The following NR3C2 variants were observed in gnomAD, a reference collection of about 807,000 sequenced individuals.
NR3C2 encodes the protein nuclear receptor subfamily 3 group C member 2.
In NR3C2, 15 loss-of-function variants were observed where a neutral mutation model predicts 86.4. That is an observed-to-expected ratio of 0.17 (90% confidence interval 0.12 to 0.27). NR3C2 has a LOEUF of 0.27. NR3C2 is among the 10% of genes least tolerant of loss of function. NR3C2 has a pLI of 1.00. For synonymous variants in NR3C2, 458 were observed against 450.5 expected (o/e 1.02, Z -0.21); for missense variants, 960 against 1,195.6 (o/e 0.80, Z 2.91).
At chr4:148,381,565 A>G (rs868652687) in intron 2 of NR3C2, among the ~76,000 whole-genome samples, 1 of 152,230 alleles carries the variant, frequency 6.6e-6, no homozygotes, top group Non-Finnish European at 1.5e-5. Flanking sequence ...GTCCACACCC[A>G]TGACGAACAA....
intron 2 of NR3C2, among the ~76,000 whole-genome samples, chr4:148,273,887 T>C (rs1019341945): frequency 3.9e-5 from 6 of 152,104 alleles, no homozygotes; most frequent in Non-Finnish European, 8.8e-5. Context: ...GGGGTCACGC[T>C]GTGGAGCAAG....
intron 2 of NR3C2, among the ~76,000 whole-genome samples, chr4:148,271,452 A>G (rs1229552812): frequency 2.4e-5 from 2 of 82,570 alleles, no homozygotes; most frequent in African/African-American, 1.2e-4. Context: ...CTAAGGTTTC[A>G]GAAAGGCTGT....
chr4:148,308,084 A>G (rs556861153), intron 2 of NR3C2, among the ~76,000 whole-genome samples: 2 of 152,134 alleles, frequency 1.3e-5, no homozygotes, highest in South Asian at 4.2e-4. Flanking sequence ...TTTACTACCA[A>G]ACATTTAAGA....
At chr4:148,093,441 A>C (rs1731147236) in intron 8 of NR3C2, among the ~76,000 whole-genome samples, 1 of 152,238 alleles carries the variant, frequency 6.6e-6, no homozygotes, top group African/African-American at 2.4e-5. Context: ...GCCTCTCTAA[A>C]GTAGGTCCCA....
chr4:148,178,948 C>A lies in NR3C2; in HGVS notation c.2014+15798G>T, dbSNP rs967670555. Among the ~76,000 whole-genome samples, 365 of 124,782 alleles carry A rather than the reference C, an allele frequency of 2.9e-3. 2 individuals carry two copies. Among genetic ancestry groups the A allele is most frequent in the East Asian group, 0.013 (54 of 4,308 alleles). The allele number at this position is 124,782 out of a possible 152,430, so 81.9% of individuals were successfully genotyped here. A position where few individuals can be genotyped will look rare whatever the true frequency, so the allele number is the denominator to read the frequency against. On this transcript the variant is annotated intron_variant, in intron 4 of 8. Coordinates refer to ENST00000358102, the MANE Select transcript of NR3C2 (RefSeq NM_000901.5). Reference sequence around the variant, plus strand: ...AGAAGCAGGTAAAAAAAAAAAAAAACAAAAAAAAACAACAAAACAAAACAA... The same window carrying A: ...AGAAGCAGGTAAAAAAAAAAAAAAAAAAAAAAAAACAACAAAACAAAACAA...
intron 2 of NR3C2, among the ~76,000 whole-genome samples, chr4:148,325,401 C>T (rs1027482455): frequency 7.2e-5 from 11 of 152,262 alleles, no homozygotes; most frequent in Admixed American, 7.2e-4. Flanking sequence ...TGTGTTTTAA[C>T]TTCTCTCTTT....
intron 2 of NR3C2, among the ~76,000 whole-genome samples, chr4:148,301,276 A>G (rs959369781): frequency 5.3e-5 from 8 of 152,210 alleles, no homozygotes; most frequent in African/African-American, 1.9e-4. Context: ...CTTGGATCAA[A>G]TATTTCTTAA....
chr4:148,299,929 T>C lies in NR3C2; in HGVS notation c.1758-39812A>G, dbSNP rs537816724. On this transcript the variant is annotated intron_variant, in intron 2 of 8. Coordinates refer to ENST00000358102, the MANE Select transcript of NR3C2 (RefSeq NM_000901.5). ...TAGACCAGGACCCCAGCTATCACTG[T>C]TTATATTCTCTCTAAAGTTTTGATT... 9.8e-5 allele frequency among the ~76,000 whole-genome samples: 15 copies of C among 152,300 alleles called. No individual in the cohort carries two copies. In the South Asian group the frequency reaches 3.1e-3, roughly 32 times the overall value.
chr4:148,081,257 C>A lies in NR3C2; in HGVS notation c.*87G>T. ...TTGAACAAGTGTGAATCAACCATCACATGTTAAAAACAGGTTTTCTTGGGT... is the reference window on the plus strand; with the variant it reads ...TTGAACAAGTGTGAATCAACCATCAAATGTTAAAAACAGGTTTTCTTGGGT... On this transcript the variant is annotated 3_prime_UTR_variant, in exon 9 of 9. Transcript: ENST00000358102. The A allele has an allele frequency of 6.6e-7, 1 of 1,525,788 alleles. No homozygotes were observed. The highest frequency in any genetic ancestry group is 1.7e-5 in the Admixed American group (1 of 58,976). 94.5% of individuals were successfully genotyped at this position (1,525,788 alleles called of 1,614,324 possible). A position where few individuals can be genotyped will look rare whatever the true frequency, so the allele number is the denominator to read the frequency against.
chr4:148,270,405 T>G (rs1328133064), intron 2 of NR3C2, among the ~76,000 whole-genome samples: 1 of 152,124 alleles, frequency 6.6e-6, no homozygotes, highest in Admixed American at 6.6e-5. Context: ...AAAGGATATC[T>G]TTTATTATTT....
At chr4:148,227,955 T>C (rs879697164) in intron 3 of NR3C2, among the ~76,000 whole-genome samples, 3 of 152,278 alleles carry the variant, frequency 2.0e-5, no homozygotes, top group Middle Eastern at 6.8e-3. Flanking sequence ...TTTTTGGTGG[T>C]GAATGGTATT....
intron 2 of NR3C2, among the ~76,000 whole-genome samples, chr4:148,414,708 T>C (rs1219028367): frequency 1.3e-5 from 2 of 152,218 alleles, no homozygotes; most frequent in East Asian, 3.8e-4. Context: ...TCACTTATAC[T>C]GATGTTAGAC....
chr4:148,318,389 C>T (rs1439317261), intron 2 of NR3C2, among the ~76,000 whole-genome samples: 6 of 149,750 alleles, frequency 4.0e-5, no homozygotes, highest in South Asian at 2.1e-4. Context: ...GGGTATATAC[C>T]CAGTAATGGG....
At position 148,080,410 on chromosome 4, in the gene NR3C2, C is replaced by A. The variant is rs910420950; in HGVS notation, c.*934G>T. 1 of 152,626 alleles carries A rather than the reference C, an allele frequency of 6.6e-6. No individual in the cohort carries two copies. The highest frequency in any genetic ancestry group is 1.5e-5 in the Non-Finnish European group (1 of 68,050). 9.5% of individuals were successfully genotyped at this position (152,626 alleles called of 1,614,324 possible). On this transcript the variant is annotated 3_prime_UTR_variant, in exon 9 of 9. Transcript: ENST00000358102. ...GGCACAGCTTTCCCTTTCTTAAATA[C>A]ACTGTAAACGGTTCATTATGCATGC...
intron 6 of NR3C2, among the ~76,000 whole-genome samples, chr4:148,130,804 GTTTT>G (rs1732991748): frequency 2.0e-5 from 1 of 50,000 alleles, no homozygotes; most frequent in African/African-American, 5.0e-5. Flanking sequence ...TTTTTGTTTT[GTTTT>G]GTTTTGTTTT....
At chr4:148,153,272 G>T (rs1231003654) in intron 5 of NR3C2, among the ~76,000 whole-genome samples, 1 of 152,164 alleles carries the variant, frequency 6.6e-6, no homozygotes, top group Non-Finnish European at 1.5e-5. Context: ...TGCATCCCAG[G>T]TTTCAAGCGA....
chr4:148,272,030 A>G (rs931537797), intron 2 of NR3C2, among the ~76,000 whole-genome samples: 1 of 152,072 alleles, frequency 6.6e-6, no homozygotes, highest in Non-Finnish European at 1.5e-5. Flanking sequence ...TTCTCCCTCT[A>G]TTTATTTATT....
At chr4:148,335,189 A>G (rs1226515897) in intron 2 of NR3C2, among the ~76,000 whole-genome samples, 1 of 152,196 alleles carries the variant, frequency 6.6e-6, no homozygotes, top group East Asian at 1.9e-4. Context: ...AATTCAGCCC[A>G]TAACAACTGG....
At position 148,080,719 on chromosome 4, in the gene NR3C2, C is replaced by CATCTT. The variant is rs751747343; in HGVS notation, c.*620_*624dup. ...GAAATCAAACCAAGGCATTTAACAT[C>CATCTT]ATCTTATCCATTCTAATTAAATAAG... is the stretch of plus-strand genomic sequence containing the variant. On this transcript the variant is annotated 3_prime_UTR_variant, in exon 9 of 9. Coordinates refer to ENST00000358102, the MANE Select transcript of NR3C2 (RefSeq NM_000901.5). 7 of 317,088 alleles carry CATCTT rather than the reference C, an allele frequency of 2.2e-5. No homozygotes were observed. In the East Asian group the frequency reaches 2.4e-4, roughly 11 times the overall value. The allele number at this position is 317,088 out of a possible 1,614,324, so 19.6% of individuals were successfully genotyped here.
Sources: allele counts gnomAD v4.1 joint callset (sites outside exome capture counted in the v4.1 genomes callset), GRCh38; gene constraint gnomAD v4.1.1; transcripts MANE v1.5; gene names NCBI Gene and HGNC (gene_info 2026-07-23, HGNC 2026-07-21).